PEAK1: variants seen among roughly 807,000 people sequenced by gnomAD.
PEAK1 encodes the protein inactive tyrosine-protein kinase PEAK1.
Under a neutral mutation model 124.7 loss-of-function variants are expected in PEAK1, and 54 were observed. That is an observed-to-expected ratio of 0.43 (90% CI 0.35 to 0.54). The LOEUF (loss-of-function observed/expected upper bound fraction) is 0.54, where lower values mean the gene tolerates loss of function less well. PEAK1 is among the 20% of genes least tolerant of loss of function. PEAK1 has a pLI of 0.01. For synonymous variants in PEAK1, 719 were observed against 760.0 expected, an observed-to-expected ratio of 0.95 and a Z score of 0.89; for missense variants, 2,046 against 2,134.5, an observed-to-expected ratio of 0.96 and a Z score of 0.82.
At chr15:77,254,351 G>T (rs1328362543) in intron 5 of PEAK1, among the ~76,000 whole-genome samples, 1 of 151,934 alleles carries the variant, frequency 6.6e-6, no homozygotes, top group African/African-American at 2.4e-5. Context: ...GGTCATTCAG[G>T]ATATGTTCTT....
At chr15:77,322,506 T>C (rs1401396964) in intron 2 of PEAK1, among the ~76,000 whole-genome samples, 4 of 152,140 alleles carry the variant, frequency 2.6e-5, no homozygotes, top group Admixed American at 6.5e-5. Context: ...AACACCTCTA[T>C]GCAAATAAAC....
At chr15:77,172,435 G>T (rs2056572735) in intron 7 of PEAK1, among the ~76,000 whole-genome samples, 1 of 151,948 alleles carries the variant, frequency 6.6e-6, no homozygotes, top group South Asian at 2.1e-4. Flanking sequence ...TTAAAAATTT[G>T]GATTTTATAT....
intron 1 of PEAK1, among the ~76,000 whole-genome samples, chr15:77,395,243 C>A (rs993221962): frequency 8.6e-5 from 13 of 151,888 alleles, no homozygotes; most frequent in African/African-American, 2.9e-4. Flanking sequence ...TTTGAAAATA[C>A]ACAATCAGAG....
chr15:77,124,052 T>G (rs532529700), intron 9 of PEAK1, among the ~76,000 whole-genome samples: 1 of 152,370 alleles, frequency 6.6e-6, no homozygotes, highest in African/African-American at 2.4e-5. Context: ...GCTCTTTAAC[T>G]CACTGTGTCT....
chr15:77,175,272 AG>A (rs1249049689), intron 7 of PEAK1, among the ~76,000 whole-genome samples: 2 of 152,224 alleles, frequency 1.3e-5, no homozygotes, highest in African/African-American at 4.8e-5. Flanking sequence ...TAAACTAAAG[AG>A]CTTCTGCACA....
intron 6 of PEAK1, among the ~76,000 whole-genome samples, chr15:77,231,925 T>C (rs981937241): frequency 6.6e-6 from 1 of 152,174 alleles, no homozygotes; most frequent in Non-Finnish European, 1.5e-5. Context: ...TATGTTTAAA[T>C]AGATATACAG....
chr15:77,273,325 T>G lies in PEAK1; in HGVS notation c.-275+10558A>C, dbSNP rs915489088. ...CAAACTGGCAAAGAGGAAGTCAAAC[T>G]GTCACTGTTTGCTGATGACATAATC... On this transcript the variant is annotated intron_variant, in intron 5 of 9. Transcript: ENST00000682557. Among the ~76,000 whole-genome samples, 2 of 152,142 alleles carry G rather than the reference T, an allele frequency of 1.3e-5. 1 individual carries two copies. Among genetic ancestry groups the G allele is most frequent in the African/African-American group, 4.8e-5 (2 of 41,436 alleles).
At chr15:77,417,310 C>A in intron 1 of PEAK1, 2 of 969,506 alleles carry the variant, frequency 2.1e-6, no homozygotes, top group Non-Finnish European at 2.5e-6. Flanking sequence ...ATTTGTCAAA[C>A]AAATGTAAAC....
intron 8 of PEAK1, among the ~76,000 whole-genome samples, chr15:77,152,705 T>C (rs1398882863): frequency 3.3e-5 from 5 of 152,248 alleles, no homozygotes; most frequent in Admixed American, 6.5e-5. Flanking sequence ...TGAAGGGTTG[T>C]TGAATTTTGT....
At chr15:77,355,410 G>T (rs926673861) in intron 2 of PEAK1, among the ~76,000 whole-genome samples, 1 of 152,066 alleles carries the variant, frequency 6.6e-6, no homozygotes, top group Non-Finnish European at 1.5e-5. Context: ...GGCCATTTTG[G>T]GCAAGAATGA....
chr15:77,187,498 A>T (rs770684408), intron 6 of PEAK1, among the ~76,000 whole-genome samples: 12 of 152,236 alleles, frequency 7.9e-5, no homozygotes, highest in Non-Finnish European at 1.3e-4. Flanking sequence ...ACTGGCCAGC[A>T]GAAAGAGCTG....
At chr15:77,399,667 A>C (rs1339038111) in intron 1 of PEAK1, among the ~76,000 whole-genome samples, 1 of 152,188 alleles carries the variant, frequency 6.6e-6, no homozygotes, top group Non-Finnish European at 1.5e-5. Context: ...GTCAAATCAA[A>C]ATGAATTAGA....
intron 1 of PEAK1, among the ~76,000 whole-genome samples, chr15:77,383,015 TCTC>T (rs1056522992): frequency 2.7e-5 from 4 of 150,602 alleles, no homozygotes; most frequent in African/African-American, 9.8e-5. Context: ...TCAGTTTGTA[TCTC>T]CTTTTTTTTT....
intron 2 of PEAK1, among the ~76,000 whole-genome samples, chr15:77,344,656 C>T (rs74409322): frequency 0.021 from 3,134 of 152,282 alleles, 117 homozygotes; most frequent in African/African-American, 0.071. Flanking sequence ...TTGGGTAGTA[C>T]TGACATCTTA....
chr15:77,360,544 C>T (rs2067821418), intron 2 of PEAK1, among the ~76,000 whole-genome samples: 1 of 151,862 alleles, frequency 6.6e-6, no homozygotes, highest in Non-Finnish European at 1.5e-5. Flanking sequence ...TGTAGGTCCA[C>T]TTATATGCAT....
At chr15:77,357,348 C>A (rs184725345) in intron 2 of PEAK1, among the ~76,000 whole-genome samples, 1 of 152,252 alleles carries the variant, frequency 6.6e-6, no homozygotes, top group African/African-American at 2.4e-5. Context: ...TCTTGGCTCA[C>A]TGCAACCTCC....
At chr15:77,330,613 C>T (rs2065835547) in intron 2 of PEAK1, among the ~76,000 whole-genome samples, 2 of 152,320 alleles carry the variant, frequency 1.3e-5, no homozygotes, top group South Asian at 4.1e-4. Flanking sequence ...TGCTGGAATA[C>T]ACACAGTTCC....
chr15:77,113,865 T>C lies in PEAK1; in HGVS notation c.*291A>G, dbSNP rs991205901. 1.0e-5 allele frequency: 4 copies of C among 394,956 alleles called. No individual in the cohort carries two copies. Among genetic ancestry groups the C allele is most frequent in the Non-Finnish European group, 1.8e-5 (4 of 219,056 alleles). 24.5% of individuals were successfully genotyped at this position (394,956 alleles called of 1,614,324 possible). On this transcript the variant is annotated 3_prime_UTR_variant, in exon 10 of 10. Coordinates refer to ENST00000682557, the MANE Select transcript of PEAK1 (RefSeq NM_001385026.1). ...ACCAAAGAAGCTGTCCCTTCAAGAA[T>C]ATGGATTTTCATTTTTACCTGCATT...
At chr15:77,281,809 C>G (rs1597093078) in intron 5 of PEAK1, among the ~76,000 whole-genome samples, 1 of 152,154 alleles carries the variant, frequency 6.6e-6, no homozygotes, top group Non-Finnish European at 1.5e-5. Context: ...TTACTTGGTA[C>G]TATTTTTCTC....
Sources: allele counts gnomAD v4.1 joint callset (sites outside exome capture counted in the v4.1 genomes callset), GRCh38; gene constraint gnomAD v4.1.1; transcripts MANE v1.5; gene names NCBI Gene and HGNC (gene_info 2026-07-23, HGNC 2026-07-21).